The following CREB5 variants were observed in gnomAD, a reference collection of about 807,000 sequenced individuals.
CREB5 encodes cyclic AMP-responsive element-binding protein 5.
In CREB5, 19 loss-of-function variants were observed where a neutral mutation model predicts 57.1. That is an observed-to-expected ratio of 0.33 (90% CI 0.23 to 0.49). CREB5 has a LOEUF of 0.49. Ranked by LOEUF, CREB5 falls within the 20% of genes least tolerant of loss-of-function variation. The pLI is 0.99. For missense variants in CREB5, 579 were observed against 671.6 expected (o/e 0.86, Z 1.52); for synonymous variants, 238 against 238.3 (o/e 1.00, Z 0.01).
chr7:28,816,892 G>T (rs1313961741), intron 9 of CREB5, among the ~76,000 whole-genome samples: 1 of 152,168 alleles, frequency 6.6e-6, no homozygotes, highest in Non-Finnish European at 1.5e-5. Context: ...GGATATTATT[G>T]ATCACAATTT....
chr7:28,643,867 G>A (rs184968655), intron 5 of CREB5, among the ~76,000 whole-genome samples: 3 of 152,160 alleles, frequency 2.0e-5, no homozygotes, highest in Non-Finnish European at 2.9e-5. Flanking sequence ...GATCACTTGA[G>A]CTCAGGAGTT....
At chr7:28,560,552 A>G (rs1795042866) in intron 4 of CREB5, among the ~76,000 whole-genome samples, 2 of 152,136 alleles carry the variant, frequency 1.3e-5, no homozygotes, top group Non-Finnish European at 2.9e-5. Context: ...AGGCTCCTAT[A>G]TCAGTAGGAA....
intron 7 of CREB5, among the ~76,000 whole-genome samples, chr7:28,753,319 G>GA (rs1805090524): frequency 6.6e-6 from 1 of 152,034 alleles, no homozygotes; most frequent in Non-Finnish European, 1.5e-5. Flanking sequence ...ATACTATGTA[G>GA]AAAAAATAGA....
intron 1 of CREB5, among the ~76,000 whole-genome samples, chr7:28,335,375 C>A (rs1048393070): frequency 2.0e-5 from 3 of 151,870 alleles, no homozygotes; most frequent in Non-Finnish European, 4.4e-5. Context: ...TTTCTTTTAT[C>A]AATCTTTTAT....
intron 5 of CREB5, among the ~76,000 whole-genome samples, chr7:28,672,566 A>G (rs906908935): frequency 1.3e-5 from 2 of 152,176 alleles, no homozygotes; most frequent in Non-Finnish European, 2.9e-5. Flanking sequence ...GGCTGTCTTG[A>G]CCTGGTTAAC....
intron 5 of CREB5, chr7:28,686,221 T>C: frequency 6.3e-7 from 1 of 1,583,816 alleles, no homozygotes; most frequent in Middle Eastern, 1.7e-4. Flanking sequence ...TTTATTTTCT[T>C]TTCTCCTGAT....
At chr7:28,572,882 G>A (rs1468441440) in intron 5 of CREB5, among the ~76,000 whole-genome samples, 2 of 152,152 alleles carry the variant, frequency 1.3e-5, no homozygotes, top group Non-Finnish European at 2.9e-5. Context: ...TCCAGCCTGG[G>A]GTGTTGTGTG....
intron 5 of CREB5, among the ~76,000 whole-genome samples, chr7:28,689,946 GT>G (rs1285123481): frequency 6.8e-6 from 1 of 147,200 alleles, no homozygotes; most frequent in Non-Finnish European, 1.5e-5. Context: ...GTGTGTGTGT[GT>G]TGTTTTTGTC....
At chr7:28,357,008 C>G (rs551845188) in intron 1 of CREB5, among the ~76,000 whole-genome samples, 3 of 152,128 alleles carry the variant, frequency 2.0e-5, no homozygotes, top group Non-Finnish European at 4.4e-5. Context: ...TGTTCTGTAA[C>G]AAGTAATAAG....
chr7:28,592,564 C>G (rs1359865646), intron 5 of CREB5, among the ~76,000 whole-genome samples: 4 of 152,096 alleles, frequency 2.6e-5, no homozygotes, highest in African/African-American at 9.7e-5. Flanking sequence ...CTACATCACC[C>G]CCACGCAGCT....
At chr7:28,492,393 T>G (rs1791845948) in intron 2 of CREB5, among the ~76,000 whole-genome samples, 1 of 152,242 alleles carries the variant, frequency 6.6e-6, no homozygotes, top group Non-Finnish European at 1.5e-5. Context: ...AGCTCAGTGT[T>G]AATTTCACTC....
chr7:28,702,097 A>G (rs1801890134), intron 5 of CREB5, among the ~76,000 whole-genome samples: 1 of 152,192 alleles, frequency 6.6e-6, no homozygotes, highest in African/African-American at 2.4e-5. Context: ...GAGTAATATA[A>G]CAGAAGGTCT....
chr7:28,536,239 G>A (rs553385476), intron 4 of CREB5, among the ~76,000 whole-genome samples: 14 of 152,214 alleles, frequency 9.2e-5, no homozygotes, highest in Admixed American at 6.5e-5. Context: ...TCATAGAATA[G>A]TCTCAAAAGA....
At chr7:28,324,933 T>A (rs898050871) in intron 1 of CREB5, among the ~76,000 whole-genome samples, 4 of 152,224 alleles carry the variant, frequency 2.6e-5, no homozygotes, top group Non-Finnish European at 5.9e-5. Context: ...ATCTTGATGT[T>A]CTCTTTTCTT....
chr7:28,560,911 T>TGTGTGTGTGC (rs1554344471), intron 4 of CREB5, among the ~76,000 whole-genome samples: 2 of 36,068 alleles, frequency 5.5e-5, no homozygotes, highest in South Asian at 2.7e-3. Flanking sequence ...CGCGCGTGCG[T>TGTGTGTGTGC]GTGCGTGTGT....
intron 1 of CREB5, among the ~76,000 whole-genome samples, chr7:28,428,039 TGGAATA>T (rs200743592): frequency 0.021 from 3,145 of 152,336 alleles, 44 homozygotes; most frequent in Non-Finnish European, 0.032. Flanking sequence ...ATGTTTCAGT[TGGAATA>T]GTCCAGGAAG....
At chr7:28,511,121 T>TG (rs1312687997) in intron 4 of CREB5, among the ~76,000 whole-genome samples, 4 of 151,478 alleles carry the variant, frequency 2.6e-5, no homozygotes, top group Admixed American at 2.6e-4. Flanking sequence ...AATAAATATG[T>TG]GAAAAAAAAA....
chr7:28,589,321 G>A (rs561176367), intron 5 of CREB5, among the ~76,000 whole-genome samples: 8 of 152,254 alleles, frequency 5.3e-5, no homozygotes, highest in East Asian at 3.9e-4. Flanking sequence ...TTGGGAGACC[G>A]AGGTGGGTGG....
At chr7:28,303,414 A>G (rs192031568) in intron 1 of CREB5, among the ~76,000 whole-genome samples, 4 of 152,348 alleles carry the variant, frequency 2.6e-5, no homozygotes, top group East Asian at 3.9e-4. Flanking sequence ...AACATTAAGA[A>G]ATACTATAAC....
Sources: allele counts gnomAD v4.1 joint callset (sites outside exome capture counted in the v4.1 genomes callset), GRCh38; gene constraint gnomAD v4.1.1; transcripts MANE v1.5; gene names NCBI Gene and HGNC (gene_info 2026-07-23, HGNC 2026-07-21).